Variants in RAD54B observed in about 807,000 individuals in gnomAD.
RAD54B encodes the protein RAD54 homolog B.
Under a neutral mutation model 95.8 loss-of-function variants are expected in RAD54B, and 78 were observed. That is an observed-to-expected ratio of 0.81 (90% CI 0.68 to 0.98). The LOEUF (loss-of-function observed/expected upper bound fraction) is 0.98. Ranked by LOEUF, RAD54B falls within the 50% of genes least tolerant of loss-of-function variation. RAD54B has a pLI of 0.00. For missense variants in RAD54B, 957 were observed against 1,056.6 expected (o/e 0.91, Z 1.31); for synonymous variants, 328 against 354.9 (o/e 0.92, Z 0.85).
At chr8:94,390,575 T>TTA in intron 10 of RAD54B, among the ~76,000 whole-genome samples, 2 of 148,000 alleles carry the variant, frequency 1.4e-5, no homozygotes, top group African/African-American at 2.5e-5. Context: ...TATATATAGA[T>TTA]TATATATAGA....
intron 5 of RAD54B, among the ~76,000 whole-genome samples, chr8:94,406,385 G>T (rs1326190010): frequency 1.3e-5 from 2 of 152,080 alleles, no homozygotes; most frequent in Non-Finnish European, 2.9e-5. Flanking sequence ...AAAGAGGAGG[G>T]GGATTGTTAA....
At chr8:94,387,189 C>T in intron 10 of RAD54B, 30 bp from the exon 11 acceptor site, 2 of 1,499,478 alleles carry the variant, frequency 1.3e-6, no homozygotes, top group Non-Finnish European at 1.8e-6. Context: ...TTAATGCTGG[C>T]TCAAGTTTGT....
chr8:94,397,610 A>G (rs1437817915), intron 8 of RAD54B, among the ~76,000 whole-genome samples: 1 of 152,160 alleles, frequency 6.6e-6, no homozygotes, highest in Non-Finnish European at 1.5e-5. Context: ...CTTATCATTG[A>G]GTATATCAAT....
chr8:94,398,494 CTTCAT>C (rs1314285672), intron 8 of RAD54B, among the ~76,000 whole-genome samples: 2 of 152,156 alleles, frequency 1.3e-5, no homozygotes, highest in Admixed American at 6.6e-5. Context: ...CCTTCTCTCT[CTTCAT>C]TTAACTTCAG....
chr8:94,473,648 G>T (rs996130233), intron 1 of RAD54B, among the ~76,000 whole-genome samples: 1 of 152,176 alleles, frequency 6.6e-6, no homozygotes, highest in African/African-American at 2.4e-5. Flanking sequence ...CAACATACAG[G>T]ACAATGACCA....
At chr8:94,467,032 C>T (rs1813040637) in intron 2 of RAD54B, among the ~76,000 whole-genome samples, 5 of 152,128 alleles carry the variant, frequency 3.3e-5, no homozygotes, top group African/African-American at 1.2e-4. Flanking sequence ...AGGCTCAAGT[C>T]ATCCTCCCAC....
chr8:94,475,041 T>C lies in RAD54B; in HGVS notation c.-57A>G, dbSNP rs73695616. 6,028 of 152,336 alleles carry C rather than the reference T, an allele frequency of 0.04. 131 individuals carry two copies. The highest frequency in any genetic ancestry group is 0.049 in the Non-Finnish European group (3,307 of 68,066). 9.4% of individuals were successfully genotyped at this position (152,336 alleles called of 1,614,324 possible). On this transcript the variant is annotated 5_prime_UTR_variant, in exon 1 of 15. Coordinates refer to ENST00000336148, the MANE Select transcript of RAD54B (RefSeq NM_012415.3). ...AGAAACCACTGGCCCTGCAAAGAAGTCCTTCTGGTAACCAGCTATCCCCTC... is the reference window on the plus strand; with the variant it reads ...AGAAACCACTGGCCCTGCAAAGAAGCCCTTCTGGTAACCAGCTATCCCCTC...
chr8:94,399,854 G>T (rs1314150593), intron 7 of RAD54B, among the ~76,000 whole-genome samples: 2 of 152,126 alleles, frequency 1.3e-5, no homozygotes, highest in African/African-American at 4.8e-5. Context: ...TAGCATGGTT[G>T]GGTTCTGGTG....
intron 8 of RAD54B, among the ~76,000 whole-genome samples, chr8:94,397,473 G>A (rs945980576): frequency 2.6e-5 from 4 of 151,926 alleles, no homozygotes; most frequent in Admixed American, 6.6e-5. Context: ...AGGATACAGA[G>A]GACAATACTA....
chr8:94,378,233 C>A lies in RAD54B; in HGVS notation c.2462G>T (p.Cys821Phe), dbSNP rs770354023. ...ACAGTCAAGCAGATCATGAGTAACA[C>A]AATCTGAACTTTCATGTAATGTGAA... ...NLFTLHESSD[C>F]VTHDLLDCEC... Residue 821 changes from cysteine (C) to phenylalanine (F), a missense_variant, in exon 14 of 15, where the codon TGT becomes TTT. Coordinates refer to ENST00000336148, the MANE Select transcript of RAD54B (RefSeq NM_012415.3). 7 of 1,612,974 alleles carry A rather than the reference C, an allele frequency of 4.3e-6. No homozygotes were observed. In the African/African-American group the frequency reaches 5.3e-5, roughly 12 times the overall value.
At chr8:94,382,496 A>C (rs1360409913) in intron 11 of RAD54B, among the ~76,000 whole-genome samples, 1 of 152,138 alleles carries the variant, frequency 6.6e-6, no homozygotes, top group East Asian at 1.9e-4. Context: ...AGTCAAAAAG[A>C]TTAATCTCCC....
intron 3 of RAD54B, among the ~76,000 whole-genome samples, chr8:94,449,240 T>C (rs1046069878): frequency 6.9e-6 from 1 of 144,724 alleles, no homozygotes; most frequent in Non-Finnish European, 1.5e-5. Flanking sequence ...CCCATGTTAA[T>C]TAACTACTGC....
Position 94,404,196 on chromosome 8 carries a change from T to C in RAD54B, c.825A>G (p.Val275=), listed in dbSNP as rs746259032. Residue 275 remains valine (V), a synonymous_variant, in exon 6 of 15, where the codon GTA becomes GTG. Transcript: ENST00000336148. ...CAAGAGGGAAACAGTTCTTATTGAA[T>C]ACCCACTGGTGATTCTTATCTGGTC... The part of the protein sequence containing the change: ...MPRPDKNHQW[V]FNKNCFPLVD... 106 of 1,609,844 alleles carry C rather than the reference T, an allele frequency of 6.6e-5. No individual in the cohort carries two copies. The highest frequency in any genetic ancestry group is 8.2e-5 in the Non-Finnish European group (96 of 1,177,700).
intron 1 of RAD54B, among the ~76,000 whole-genome samples, chr8:94,472,665 A>C (rs1239648749): frequency 6.6e-6 from 1 of 152,218 alleles, no homozygotes; most frequent in Non-Finnish European, 1.5e-5. Context: ...AGAAACATCA[A>C]CAGTAGAAAT....
intron 14 of RAD54B, among the ~76,000 whole-genome samples, chr8:94,372,753 G>C (rs1459775120): frequency 1.3e-5 from 2 of 152,086 alleles, no homozygotes; most frequent in South Asian, 2.1e-4. Flanking sequence ...CGAACAATCT[G>C]GGTCAGCATT....
intron 12 of RAD54B, 22 bp downstream of exon 12, chr8:94,380,123 T>C (rs371876868): frequency 6.3e-7 from 1 of 1,585,690 alleles, no homozygotes; most frequent in Non-Finnish European, 8.6e-7. Flanking sequence ...ATAATATCTA[T>C]TTAATGCATA....
intron 3 of RAD54B, among the ~76,000 whole-genome samples, chr8:94,434,640 CTT>C (rs1182603857): frequency 6.6e-6 from 1 of 151,400 alleles, no homozygotes; most frequent in Non-Finnish European, 1.5e-5. Flanking sequence ...TAATTATAAA[CTT>C]CTGAGATTAT....
At chr8:94,381,148 G>C (rs1217319719) in intron 11 of RAD54B, among the ~76,000 whole-genome samples, 1 of 152,016 alleles carries the variant, frequency 6.6e-6, no homozygotes, top group Non-Finnish European at 1.5e-5. Flanking sequence ...ATGTGTTAAT[G>C]AAAGTCTAGA....
At chr8:94,427,933 A>G (rs954005272) in intron 3 of RAD54B, 2 of 777,978 alleles carry the variant, frequency 2.6e-6, no homozygotes, top group South Asian at 6.5e-5. Context: ...TGACTCCTTA[A>G]AAAAAAAAAT....
Sources: gnomAD v4.1 joint callset for allele counts (sites outside exome capture counted in the v4.1 genomes callset) on GRCh38, gnomAD v4.1.1 for gene constraint, MANE v1.5 for transcripts, NCBI Gene and HGNC (gene_info 2026-07-23, HGNC 2026-07-21) for gene names.